The following NDRG1 variants were observed in gnomAD, a reference collection of about 807,000 sequenced individuals.
NDRG1 encodes the protein N-myc downstream regulated 1.
A neutral mutation model predicts 56.9 loss-of-function variants in NDRG1; 32 were observed. The observed-to-expected ratio is 0.56, with a 90% CI of 0.42 to 0.76. The LOEUF is 0.76. Ranked by LOEUF, NDRG1 falls within the 30% of genes least tolerant of loss-of-function variation. The probability of loss-of-function intolerance (pLI) is 0.00; values close to 1 mark genes in which losing one functional copy is unlikely to be tolerated. For missense variants in NDRG1, 507 were observed against 545.7 expected (o/e 0.93, Z 0.71); for synonymous variants, 211 against 204.1 (o/e 1.03, Z -0.29).
At chr8:133,293,220 C>T (rs960114865) in intron 1 of NDRG1, among the ~76,000 whole-genome samples, 1 of 152,220 alleles carries the variant, frequency 6.6e-6, no homozygotes, top group Non-Finnish European at 1.5e-5. Context: ...AGTTCTCAGC[C>T]AAGACCGCTA....
intron 3 of NDRG1, among the ~76,000 whole-genome samples, chr8:133,272,408 G>A (rs1399077600): frequency 2.6e-5 from 4 of 152,198 alleles, no homozygotes; most frequent in Admixed American, 6.5e-5. Flanking sequence ...TGTGCTCAGG[G>A]ACAGCGATGC....
At chr8:133,264,724 C>A in intron 3 of NDRG1, 72 bp from the exon 4 acceptor site, 1 of 1,277,548 alleles carries the variant, frequency 7.8e-7, no homozygotes. Flanking sequence ...AGACAGCCAG[C>A]CTGTTTCCAA....
At chr8:133,284,661 C>G (rs1329627257) in intron 1 of NDRG1, 7 of 461,472 alleles carry the variant, frequency 1.5e-5, no homozygotes, top group Non-Finnish European at 2.5e-5. Context: ...GGATGCAGCT[C>G]ACTGCATTCT....
At position 133,244,342 on chromosome 8, in the gene NDRG1, A is replaced by G. The variant is rs1855548101; in HGVS notation, c.891+13T>C. The G allele has an allele frequency of 6.2e-7, 1 of 1,614,086 alleles. No homozygotes were observed. The highest frequency in any genetic ancestry group is 1.7e-5 in the Admixed American group (1 of 60,010). ...CGACAGCTGTATAATGCAAAAGCCA[A>G]CATGGCACTCACCTGGGAGATCTGC... is the stretch of plus-strand genomic sequence containing the variant. On this transcript the variant is annotated intron_variant, in intron 14 of 15. Transcript: ENST00000323851.
chr8:133,242,316 A>G (rs1426845919), intron 14 of NDRG1, among the ~76,000 whole-genome samples: 1 of 152,210 alleles, frequency 6.6e-6, no homozygotes, highest in African/African-American at 2.4e-5. Context: ...CACCTGTAAT[A>G]CAGGGCAGAG....
At chr8:133,284,390 C>A in intron 1 of NDRG1, 61 bp from the exon 2 acceptor site, 1 of 1,517,900 alleles carries the variant, frequency 6.6e-7, no homozygotes, top group Non-Finnish European at 9.1e-7. Flanking sequence ...CTAAAGGAAG[C>A]AAATCCAAGA....
At chr8:133,255,305 T>A (rs1156722122) in intron 8 of NDRG1, 1 of 455,976 alleles carries the variant, frequency 2.2e-6, no homozygotes, top group African/African-American at 2.0e-5. Context: ...GAACTGGGAG[T>A]GCCAGGAACT....
Position 133,243,134 on chromosome 8 carries a change from G to A in NDRG1, c.892-1060C>T, listed in dbSNP as rs576738058. Among the ~76,000 whole-genome samples the A allele has an allele frequency of 1.6e-4, 25 of 152,336 alleles. No individual in the cohort carries two copies. In the South Asian group the frequency reaches 5.2e-3, roughly 32 times the overall value. On this transcript the variant is annotated intron_variant, in intron 14 of 15. Transcript: ENST00000323851. ...GTGAGAGGGCACTGGTAGAGGCTGG[G>A]CTGACCCCCCTCCCTGCTCTCCACT...
chr8:133,290,458 G>C (rs1858369370), intron 1 of NDRG1, among the ~76,000 whole-genome samples: 1 of 152,178 alleles, frequency 6.6e-6, no homozygotes, highest in South Asian at 2.1e-4. Context: ...GGAAACTGAG[G>C]CATCAAGAGG....
chr8:133,256,845 C>T lies in NDRG1; in HGVS notation c.469G>A (p.Val157Met), dbSNP rs772812099. The stretch of plus-strand genomic sequence containing the variant: ...ACGTTGATAAGGACAAGGCCCTCCA[C>T]CATCTCAGGGTTGTTTAGCTGCAAT... Reference protein sequence around the residue: ...TRFALNNPEMVEGLVLINVNP... With the variant: ...TRFALNNPEMMEGLVLINVNP... Residue 157 changes from valine (V) to methionine (M), a missense_variant, in exon 8 of 16, where the codon GTG (valine) becomes ATG (methionine). Val to Met is a conservative substitution (Grantham distance 21, BLOSUM62 1). Coordinates refer to ENST00000323851, the MANE Select transcript of NDRG1 (RefSeq NM_006096.4). The T allele has an allele frequency of 3.5e-5, 56 of 1,614,184 alleles. No individual in the cohort carries two copies. Among genetic ancestry groups the T allele is most frequent in the Non-Finnish European group, 4.7e-5 (56 of 1,180,024 alleles).
intron 1 of NDRG1, among the ~76,000 whole-genome samples, chr8:133,285,565 G>A (rs1311086323): frequency 6.6e-6 from 1 of 152,200 alleles, no homozygotes; most frequent in Non-Finnish European, 1.5e-5. Context: ...CAAGAACCTG[G>A]TGAAACACCT....
At chr8:133,256,581 T>G (rs764501073) in intron 8 of NDRG1, among the ~76,000 whole-genome samples, 196 bp downstream of exon 8, 11 of 152,176 alleles carry the variant, frequency 7.2e-5, no homozygotes, top group Non-Finnish European at 1.3e-4. Context: ...GGTATTTAAG[T>G]CTTCTGAATG....
At chr8:133,278,554 G>C (rs114938079) in intron 3 of NDRG1, among the ~76,000 whole-genome samples, 21 of 152,274 alleles carry the variant, frequency 1.4e-4, no homozygotes, top group Admixed American at 5.9e-4. Flanking sequence ...TGAGTGGTGC[G>C]GGAAGAACAT....
In NDRG1 at chr8:133,258,244, C is replaced by CAA. The variant is rs957375815; in HGVS notation, c.450+120_450+121dup. On this transcript the variant is annotated intron_variant, in intron 7 of 15. Transcript: ENST00000323851. Reference sequence around the variant, plus strand: ...CATGCACCACACACACACACACACACAACTGTGGAGAATACGGGTCATTTC... The same window carrying CAA: ...CATGCACCACACACACACACACACACAAAACTGTGGAGAATACGGGTCATTTC... 5 of 972,970 alleles carry CAA rather than the reference C, an allele frequency of 5.1e-6. No individual in the cohort carries two copies. The Admixed American group carries it at 6.1e-5, about 12-fold the overall frequency. 60.3% of individuals were successfully genotyped at this position (972,970 alleles called of 1,614,324 possible). A position where few individuals can be genotyped will look rare whatever the true frequency, so the allele number is the denominator to read the frequency against.
chr8:133,296,047 C>T (rs1858731750), intron 1 of NDRG1, among the ~76,000 whole-genome samples: 1 of 152,116 alleles, frequency 6.6e-6, no homozygotes, highest in Non-Finnish European at 1.5e-5. Context: ...AAGGAACCGA[C>T]CCACTAAATC....
At chr8:133,293,094 C>T (rs909033674) in intron 1 of NDRG1, among the ~76,000 whole-genome samples, 4 of 152,306 alleles carry the variant, frequency 2.6e-5, no homozygotes, top group African/African-American at 4.8e-5. Flanking sequence ...TTTCACATGG[C>T]CCCCACCCCG....
At chr8:133,290,714 T>C (rs1220545715) in intron 1 of NDRG1, among the ~76,000 whole-genome samples, 1 of 152,206 alleles carries the variant, frequency 6.6e-6, no homozygotes, top group African/African-American at 2.4e-5. Flanking sequence ...TGAGCCATCA[T>C]GAGCAGGCTT....
chr8:133,266,198 G>A (rs1856910490), intron 3 of NDRG1, among the ~76,000 whole-genome samples: 1 of 152,226 alleles, frequency 6.6e-6, no homozygotes, highest in African/African-American at 2.4e-5. Context: ...CCTCCGCGGG[G>A]CCCCAGGCTT....
chr8:133,264,162 G>A (rs1469328901), intron 4 of NDRG1, among the ~76,000 whole-genome samples: 1 of 152,080 alleles, frequency 6.6e-6, no homozygotes, highest in African/African-American at 2.4e-5. Context: ...GTCAATGAAG[G>A]GTCAGTCATC....
Sources: gnomAD v4.1 joint callset for allele counts (sites outside exome capture counted in the v4.1 genomes callset) on GRCh38, gnomAD v4.1.1 for gene constraint, MANE v1.5 for transcripts, NCBI Gene and HGNC (gene_info 2026-07-23, HGNC 2026-07-21) for gene names.